SRGAP1: variants seen among roughly 807,000 people sequenced by gnomAD.
The protein encoded by SRGAP1 is SLIT-ROBO Rho GTPase activating protein 1, also known as SLIT-ROBO Rho GTPase-activating protein 1.
A neutral mutation model predicts 121.9 loss-of-function variants in SRGAP1; 43 were observed. That is an observed-to-expected ratio of 0.35 (90% CI 0.28 to 0.46). The LOEUF is 0.46. Among genes scored for constraint, SRGAP1 ranks in the 20% least tolerant of loss-of-function variants. The pLI is 1.00. For missense variants in SRGAP1, 1,102 were observed against 1,350.9 expected, an observed-to-expected ratio of 0.82 and a Z score of 2.89; for synonymous variants, 447 against 485.4, an observed-to-expected ratio of 0.92 and a Z score of 1.04.
At chr12:63,879,673 C>A (rs1238685367) in intron 1 of SRGAP1, among the ~76,000 whole-genome samples, 1 of 151,980 alleles carries the variant, frequency 6.6e-6, no homozygotes, top group Non-Finnish European at 1.5e-5. Flanking sequence ...AAGTTCATGG[C>A]GATTTATTTA....
chr12:64,013,062 T>A (rs1018688979), intron 3 of SRGAP1, among the ~76,000 whole-genome samples: 3 of 152,160 alleles, frequency 2.0e-5, no homozygotes, highest in Admixed American at 2.0e-4. Context: ...CTGATGGACT[T>A]TTAACAACCC....
intron 1 of SRGAP1, among the ~76,000 whole-genome samples, chr12:63,952,985 C>A (rs2032345989): frequency 6.6e-6 from 1 of 152,152 alleles, no homozygotes; most frequent in South Asian, 2.1e-4. Context: ...TGTATCATTT[C>A]ATTTAATCTT....
intron 1 of SRGAP1, among the ~76,000 whole-genome samples, chr12:63,918,265 C>T (rs190225045): frequency 2.0e-5 from 3 of 152,226 alleles, no homozygotes; most frequent in South Asian, 2.1e-4. Context: ...CCTCCTCCCC[C>T]CATTACCCTG....
chr12:63,960,285 T>C, intron 1 of SRGAP1, among the ~76,000 whole-genome samples: 1 of 152,172 alleles, frequency 6.6e-6, no homozygotes, highest in African/African-American at 2.4e-5. Context: ...AGACTGAGGG[T>C]TCCCCTCCGG....
intron 3 of SRGAP1, among the ~76,000 whole-genome samples, chr12:63,997,462 A>G (rs1482396494): frequency 1.3e-5 from 2 of 152,150 alleles, no homozygotes; most frequent in African/African-American, 4.8e-5. Flanking sequence ...TTACATTGAG[A>G]TAAGTGGTCA....
chr12:64,107,643 G>A (rs921434245), intron 15 of SRGAP1, among the ~76,000 whole-genome samples: 1 of 152,156 alleles, frequency 6.6e-6, no homozygotes, highest in African/African-American at 2.4e-5. Flanking sequence ...ATAGGTGGAA[G>A]AAGGTTTAAA....
chr12:63,946,599 A>G (rs1283929656), intron 1 of SRGAP1, among the ~76,000 whole-genome samples: 1 of 147,614 alleles, frequency 6.8e-6, no homozygotes, highest in Non-Finnish European at 1.5e-5. Context: ...GCTGGAGTGC[A>G]GTGGTGGGAT....
rs534663254 is a variant in SRGAP1, at chr12:64,150,073, T to C, written c.*7401T>C. On this transcript the variant is annotated 3_prime_UTR_variant, in exon 22 of 22. Coordinates refer to ENST00000355086, the MANE Select transcript of SRGAP1 (RefSeq NM_020762.4). ...TCTATAATAAAAACAAAATAGTTTT[T>C]CTATCAAGGTCAGTCTCAGCAAGAG... 2 of 152,120 alleles carry C rather than the reference T, an allele frequency of 1.3e-5. No homozygotes were observed. Among genetic ancestry groups the C allele is most frequent in the Admixed American group, 1.3e-4 (2 of 15,284 alleles). The allele number at this position is 152,120 out of a possible 1,614,324, so 9.4% of individuals were successfully genotyped here. A position where few individuals can be genotyped will look rare whatever the true frequency, so the allele number is the denominator to read the frequency against.
intron 1 of SRGAP1, among the ~76,000 whole-genome samples, chr12:63,906,943 A>G (rs985399495): frequency 6.6e-6 from 1 of 151,524 alleles, no homozygotes; most frequent in African/African-American, 2.4e-5. Context: ...TGGTGTGACC[A>G]CAACTCTGTT....
rs2037120927 is a variant in SRGAP1 at position 64,151,637 on chromosome 12, A to G, written c.*8965A>G. The G allele has an allele frequency of 6.6e-6, 1 of 152,214 alleles. No individual in the cohort carries two copies. The allele number at this position is 152,214 out of a possible 1,614,324, so 9.4% of individuals were successfully genotyped here. The stretch of plus-strand genomic sequence containing the variant: ...CAGTAATGCATAACAGTACACGAGT[A>G]TAAAACATGGTCATGTTTCTTTACC... On this transcript the variant is annotated 3_prime_UTR_variant, in exon 22 of 22. Coordinates refer to ENST00000355086, the MANE Select transcript of SRGAP1 (RefSeq NM_020762.4).
At chr12:63,985,840 A>G (rs910383416) in intron 2 of SRGAP1, among the ~76,000 whole-genome samples, 3 of 152,164 alleles carry the variant, frequency 2.0e-5, no homozygotes, top group African/African-American at 7.2e-5. Context: ...TTCACAGGGC[A>G]CAACAAGAAG....
At chr12:63,889,727 G>A (rs61937063) in intron 1 of SRGAP1, among the ~76,000 whole-genome samples, 7,297 of 152,102 alleles carry the variant, frequency 0.048, 273 homozygotes, top group Middle Eastern at 0.14. Context: ...GACCAATACA[G>A]TGAAACCCTG....
At position 63,919,482 on chromosome 12, in the gene SRGAP1, G is replaced by GT. The variant is rs566856058; in HGVS notation, c.68-64461dup. Among the ~76,000 whole-genome samples, 406 of 135,594 alleles carry GT rather than the reference G, an allele frequency of 3.0e-3. 4 individuals are homozygous for GT. The highest frequency in any genetic ancestry group is 0.011 in the African/African-American group (369 of 34,648). 89.0% of individuals were successfully genotyped at this position (135,594 alleles called of 152,430 possible). On this transcript the variant is annotated intron_variant, in intron 1 of 21. Coordinates refer to ENST00000355086, the MANE Select transcript of SRGAP1 (RefSeq NM_020762.4). ...ACTGTGCCTGGCCAATATTTTAATT[G>GT]TTTTAACTTAACATTACATATATAT... is the stretch of plus-strand genomic sequence containing the variant.
At chr12:63,870,696 T>C (rs1161340216) in intron 1 of SRGAP1, among the ~76,000 whole-genome samples, 3 of 152,012 alleles carry the variant, frequency 2.0e-5, no homozygotes, top group African/African-American at 7.2e-5. Flanking sequence ...TGTGCCACCA[T>C]GCCCAACTAA....
intron 2 of SRGAP1, among the ~76,000 whole-genome samples, chr12:63,984,397 A>G (rs1311911119): frequency 1.3e-5 from 2 of 152,124 alleles, no homozygotes; most frequent in African/African-American, 4.8e-5. Flanking sequence ...AAGAGAAGGT[A>G]TATGTTTGTA....
In SRGAP1 at chr12:64,147,672, T is replaced by C. The variant is rs368457157; in HGVS notation, c.*5000T>C. On this transcript the variant is annotated 3_prime_UTR_variant, in exon 22 of 22. Transcript: ENST00000355086. ...CTGAGGTGAAAATAAAGGGGGATGC[T>C]TTTACAGTCTGGAAAGAAAAAAAAT... 35 of 398,660 alleles carry C rather than the reference T, an allele frequency of 8.8e-5. 1 individual carries two copies. In the South Asian group the frequency reaches 2.7e-3, roughly 30 times the overall value. The allele number at this position is 398,660 out of a possible 1,614,324, so 24.7% of individuals were successfully genotyped here.
chr12:64,102,231 G>A (rs139659876), intron 15 of SRGAP1, among the ~76,000 whole-genome samples: 328 of 152,322 alleles, frequency 2.2e-3, no homozygotes, highest in African/African-American at 7.7e-3. Flanking sequence ...CAAAAAACAC[G>A]ATTAGTTTTG....
intron 1 of SRGAP1, among the ~76,000 whole-genome samples, chr12:63,859,766 A>G (rs544608869): frequency 6.6e-6 from 1 of 152,170 alleles, no homozygotes; most frequent in Non-Finnish European, 1.5e-5. Context: ...GAAATGGAAT[A>G]CAATTCCTTT....
chr12:64,062,289 A>G (rs375129407), intron 6 of SRGAP1, among the ~76,000 whole-genome samples: 6 of 152,256 alleles, frequency 3.9e-5, no homozygotes, highest in Non-Finnish European at 5.9e-5. Flanking sequence ...AGTATTTCCC[A>G]GTGATATTAA....
Sources: gnomAD v4.1 joint callset for allele counts (sites outside exome capture counted in the v4.1 genomes callset) on GRCh38, gnomAD v4.1.1 for gene constraint, MANE v1.5 for transcripts, NCBI Gene and HGNC (gene_info 2026-07-23, HGNC 2026-07-21) for gene names.